The following CDCA2 variants were observed in gnomAD, a reference collection of about 807,000 sequenced individuals.
CDCA2 encodes cell division cycle-associated protein 2.
In CDCA2, 44 loss-of-function variants were observed where a neutral mutation model predicts 67.0. The observed-to-expected ratio is 0.66, with a 90% CI of 0.52 to 0.84. CDCA2 has a LOEUF of 0.84. CDCA2 is among the 40% of genes least tolerant of loss of function. The pLI, the probability that CDCA2 is intolerant of heterozygous loss-of-function variation, is 0.00. For synonymous variants in CDCA2, 447 were observed against 418.7 expected (o/e 1.07, Z -0.82); for missense variants, 1,253 against 1,203.2 (o/e 1.04, Z -0.61).
chr8:25,483,537 G>A (rs1407418553), intron 9 of CDCA2, 51 bp downstream of exon 9: 1 of 1,265,322 alleles, frequency 7.9e-7, no homozygotes, highest in East Asian at 2.3e-5. Context: ...TTTCATGTTA[G>A]TAAAACCTAG....
chr8:25,500,176 G>A (rs964141222), intron 13 of CDCA2, among the ~76,000 whole-genome samples: 3 of 151,272 alleles, frequency 2.0e-5, no homozygotes, highest in Admixed American at 6.6e-5. Flanking sequence ...ATTCGTATTT[G>A]TGGAGTAGCC....
chr8:25,465,775 A>G (rs1400204805), intron 4 of CDCA2, among the ~76,000 whole-genome samples: 1 of 152,152 alleles, frequency 6.6e-6, no homozygotes, highest in Non-Finnish European at 1.5e-5. Context: ...CTGAGTAGAA[A>G]CAGCTTGGAC....
intron 7 of CDCA2, 82 bp downstream of exon 7, chr8:25,470,062 G>C: frequency 1.1e-6 from 1 of 926,050 alleles, no homozygotes. Flanking sequence ...CTAAAATTTG[G>C]GGGAACTGAA....
intron 14 of CDCA2, among the ~76,000 whole-genome samples, chr8:25,504,746 C>G (rs1273291053): frequency 2.0e-5 from 3 of 152,196 alleles, no homozygotes; most frequent in African/African-American, 4.8e-5. Flanking sequence ...ACCACTCTAC[C>G]TTTAATCTGA....
chr8:25,480,208 A>C (rs545423152), intron 8 of CDCA2, 84 bp downstream of exon 8: 1 of 1,113,966 alleles, frequency 9.0e-7, no homozygotes, highest in Non-Finnish European at 1.3e-6. Context: ...GTCATATATC[A>C]TGCTAGTTTA....
chr8:25,468,189 T>C, intron 5 of CDCA2, 28 bp from the exon 6 acceptor site: 2 of 1,273,490 alleles, frequency 1.6e-6, no homozygotes, highest in Non-Finnish European at 2.1e-6. Flanking sequence ...TATGCCTGTG[T>C]CGTTTTGTTT....
At chr8:25,499,187 A>G (rs1280298533) in intron 13 of CDCA2, among the ~76,000 whole-genome samples, 1 of 152,124 alleles carries the variant, frequency 6.6e-6, no homozygotes, top group Non-Finnish European at 1.5e-5. Flanking sequence ...GCTAACTGCA[A>G]GAGCTAAAAG....
intron 7 of CDCA2, among the ~76,000 whole-genome samples, chr8:25,471,275 G>T (rs930830085): frequency 6.6e-6 from 1 of 152,068 alleles, no homozygotes; most frequent in Non-Finnish European, 1.5e-5. Context: ...GTGGATGTCC[G>T]CCTGCATGGT....
At chr8:25,488,490 G>T in intron 12 of CDCA2, 62 bp from the exon 13 acceptor site, 2 of 1,439,696 alleles carry the variant, frequency 1.4e-6, no homozygotes, top group Non-Finnish European at 1.9e-6. Context: ...AAGAGTGAGA[G>T]CAGCACATTA....
intron 13 of CDCA2, 23 bp downstream of exon 13, chr8:25,488,712 A>G (rs1215562785): frequency 1.3e-6 from 2 of 1,564,102 alleles, no homozygotes; most frequent in Admixed American, 4.0e-5. Flanking sequence ...TTAAAGATAT[A>G]ATAAAGAGTA....
chr8:25,497,066 G>A (rs1023493174), intron 13 of CDCA2, among the ~76,000 whole-genome samples: 1 of 152,062 alleles, frequency 6.6e-6, no homozygotes, highest in Non-Finnish European at 1.5e-5. Flanking sequence ...GAGTGATGGT[G>A]GTAGTTAAAT....
In CDCA2 at chr8:25,507,047, G is replaced by A. The variant is rs1804710016; in HGVS notation, c.2381G>A (p.Gly794Glu). 1.2e-6 allele frequency: 2 copies of A among 1,613,998 alleles called. No individual in the cohort carries two copies. Among genetic ancestry groups the A allele is most frequent in the Non-Finnish European group, 1.7e-6 (2 of 1,179,982 alleles). ...PNSQKDCHCLGDVLIENTKES... is the reference protein window; with the variant it reads ...PNSQKDCHCLEDVLIENTKES... ...TCACAAAAAGACTGTCATTGTTTAG[G>A]AGATGTCTTAATTGAAAATACGAAA... The change falls in exon 15 of 15, where the codon GGA (glycine) becomes GAA (glutamate). Residue 794 changes from glycine to glutamate, a missense_variant. By Grantham distance (98) the Gly-to-Glu change is moderately conservative. Transcript: ENST00000330560.
intron 13 of CDCA2, among the ~76,000 whole-genome samples, chr8:25,499,276 T>G (rs898445248): frequency 1.5e-4 from 23 of 151,316 alleles, no homozygotes; most frequent in African/African-American, 5.1e-4. Flanking sequence ...ATGGTGTGAT[T>G]TGTTGCCATG....
At chr8:25,491,546 C>G (rs555391184) in intron 13 of CDCA2, among the ~76,000 whole-genome samples, 1 of 150,926 alleles carries the variant, frequency 6.6e-6, no homozygotes, top group African/African-American at 2.4e-5. Flanking sequence ...AAATTTCAAC[C>G]GAGTATTCTA....
At chr8:25,503,017 C>T (rs1312538785) in intron 13 of CDCA2, among the ~76,000 whole-genome samples, 4 of 152,176 alleles carry the variant, frequency 2.6e-5, no homozygotes, top group Non-Finnish European at 5.9e-5. Context: ...CATTGTGGCT[C>T]ACACTTGTAA....
Position 25,468,320 on chromosome 8 carries a change from G to A in CDCA2, c.642G>A (p.Leu214=), listed in dbSNP as rs1307944362. ...ATCAGAGAGACTCTGATGAAAATCT[G>A]ACGGATGCTGAAGGAAAAGTAATTG... ...ISYQRDSDEN[L]TDAEGKVIGL... Residue 214 remains leucine (L), a synonymous_variant, in exon 6 of 15, where the codon CTG becomes CTA. Transcript: ENST00000330560. 3 of 1,613,678 alleles carry A rather than the reference G, an allele frequency of 1.9e-6. No homozygotes were observed. The highest frequency in any genetic ancestry group is 2.5e-6 in the Non-Finnish European group (3 of 1,179,842).
chr8:25,505,620 G>A (rs1804646237), intron 14 of CDCA2, among the ~76,000 whole-genome samples: 1 of 152,116 alleles, frequency 6.6e-6, no homozygotes. Flanking sequence ...CTTAATCATG[G>A]ATATATTTTT....
Position 25,506,898 on chromosome 8 carries a change from A to C in CDCA2, c.2232A>C (p.Gln744His). 6.2e-7 allele frequency: 1 copy of C among 1,612,322 alleles called. No individual in the cohort carries two copies. The highest frequency in any genetic ancestry group is 1.1e-5 in the South Asian group (1 of 90,672). Reference sequence around the variant, plus strand: ...GTCAAGAATTTTCTGCTGGTGGTCAAAATGCAGAAAACCTTTGTCAGTTCT... The same window carrying C: ...GTCAAGAATTTTCTGCTGGTGGTCACAATGCAGAAAACCTTTGTCAGTTCT... ...QQGQEFSAGGQNAENLCQFFK... is the reference protein window; with the variant it reads ...QQGQEFSAGGHNAENLCQFFK... Residue 744 changes from glutamine to histidine, a missense_variant, in exon 15 of 15, where the codon CAA becomes CAC. Physicochemically the swap from Gln to His is conservative, Grantham distance 24. Coordinates refer to ENST00000330560, the MANE Select transcript of CDCA2 (RefSeq NM_152562.4).
chr8:25,489,308 C>T (rs998415158), intron 13 of CDCA2, among the ~76,000 whole-genome samples: 1 of 152,174 alleles, frequency 6.6e-6, no homozygotes, highest in East Asian at 1.9e-4. Context: ...TTCTCTGACC[C>T]CCAACTTCCT....
Sources: allele counts gnomAD v4.1 joint callset (sites outside exome capture counted in the v4.1 genomes callset), GRCh38; gene constraint gnomAD v4.1.1; transcripts MANE v1.5; gene names NCBI Gene and HGNC (gene_info 2026-07-23, HGNC 2026-07-21).